Variants in TONSL observed in about 807,000 individuals in gnomAD.
TONSL encodes tonsoku like, DNA repair protein.
Under a neutral mutation model 147.1 loss-of-function variants are expected in TONSL, and 112 were observed. The ratio of observed to expected loss-of-function variants is 0.76; its 90% CI spans 0.65 to 0.89. TONSL has a LOEUF of 0.89. Ranked by LOEUF, TONSL falls within the 40% of genes least tolerant of loss-of-function variation. The pLI is 0.00. For synonymous variants in TONSL, 868 were observed against 801.5 expected, an observed-to-expected ratio of 1.08 and a Z score of -1.40; for missense variants, 1,883 against 1,864.6, an observed-to-expected ratio of 1.01 and a Z score of -0.18.
At position 144,429,260 on chromosome 8, in the gene TONSL, G is replaced by A. The variant is rs1554878065; in HGVS notation, c.4020C>T (p.Cys1340=). 9 of 1,523,490 alleles carry A rather than the reference G, an allele frequency of 5.9e-6. No individual in the cohort carries two copies. The South Asian group carries it at 7.2e-5, about 12-fold the overall frequency. 94.4% of individuals were successfully genotyped at this position (1,523,490 alleles called of 1,614,324 possible). ...IAAQLRELQL[C]SRRLCAEDRD... ...TGTCCTCAGCGCAGAGGCGTCTGCT[G>A]CACAGCTGCAGTTCCCGGAGCTGCG... Residue 1340 remains cysteine, a synonymous_variant, in exon 26 of 26, where the codon TGC becomes TGT. Transcript: ENST00000409379.
At chr8:144,441,424 C>A (rs1013017919) in intron 7 of TONSL, 1 of 274,068 alleles carries the variant, frequency 3.6e-6, no homozygotes, top group African/African-American at 2.2e-5. Flanking sequence ...AACCTCGTCT[C>A]TACTAAAAAT....
intron 21 of TONSL, 96 bp from the exon 22 acceptor site, chr8:144,433,855 G>A (rs896152286): frequency 6.8e-7 from 1 of 1,472,212 alleles, no homozygotes. Flanking sequence ...CACCTTGCCT[G>A]GCATAGCCTA....
rs866611082 is a variant in TONSL, at chr8:144,435,974, G to A, written c.2459C>T (p.Pro820Leu). 8 of 1,555,346 alleles carry A rather than the reference G, an allele frequency of 5.1e-6. No homozygotes were observed. The highest frequency in any genetic ancestry group is 2.3e-5 in the East Asian group (1 of 43,804). The change falls in exon 17 of 26, where the codon CCC becomes CTC. Residue 820 changes from proline (P) to leucine (L), a missense_variant. By Grantham distance (98) the Pro-to-Leu change is moderately conservative (BLOSUM62 -3). Transcript: ENST00000409379. Reference sequence around the variant, plus strand: ...CTCCTCCGGGATGAGCGCTGCCTGGGGGGCAAGGGCTTTGCTGTGGCCCCG... The same window carrying A: ...CTCCTCCGGGATGAGCGCTGCCTGGAGGGCAAGGGCTTTGCTGTGGCCCCG... ...PPRGHSKALA[P>L]QAALIPEEEC...
intron 5 of TONSL, 113 bp downstream of exon 5, chr8:144,442,564 A>AT: frequency 2.0e-6 from 3 of 1,502,740 alleles, no homozygotes; most frequent in Non-Finnish European, 2.7e-6. Flanking sequence ...AGGTGGGGGG[A>AT]TGAGGCCCAG....
Position 144,436,172 on chromosome 8 carries a change from C to A in TONSL, c.2261G>T (p.Arg754Leu), listed in dbSNP as rs753231160. 1.3e-6 allele frequency: 2 copies of A among 1,574,634 alleles called. No homozygotes were observed. Among genetic ancestry groups the A allele is most frequent in the Non-Finnish European group, 1.7e-6 (2 of 1,166,012 alleles). ...GCACCGAGGCCTCTTCTGGGACGGC[C>A]GTGCGGGGCCTGCGCTGTCCTCGCC... ...SEGEDSAGPA[R>L]PSQKRPRCSA... Residue 754 changes from arginine to leucine, a missense_variant, in exon 17 of 26, where the codon CGG becomes CTG. By Grantham distance (102) the Arg-to-Leu change is moderately radical. Coordinates refer to ENST00000409379, the MANE Select transcript of TONSL (RefSeq NM_013432.5).
intron 13 of TONSL, 26 bp downstream of exon 13, chr8:144,438,445 G>A (rs754822431): frequency 3.1e-6 from 5 of 1,607,982 alleles, no homozygotes; most frequent in Non-Finnish European, 4.2e-6. Context: ...TAGGCAGCCT[G>A]TCCCACGTCC....
Position 144,431,117 on chromosome 8 carries a change from G to C in TONSL, c.3770C>G (p.Ala1257Gly), listed in dbSNP as rs1260534255. 1 of 1,614,174 alleles carries C rather than the reference G, an allele frequency of 6.2e-7. No individual in the cohort carries two copies. Among genetic ancestry groups the C allele is most frequent in the Middle Eastern group, 1.7e-4 (1 of 6,058 alleles). ...GCALAHLTLSANHLGDKAVRD... is the reference protein window; with the variant it reads ...GCALAHLTLSGNHLGDKAVRD... ...AACAGCCTTGTCCCCCAGGTGGTTT[G>C]CAGACAGGGTCAGGTGGGCTAGAGC... is the stretch of plus-strand genomic sequence containing the variant. Residue 1257 changes from alanine to glycine, a missense_variant, in exon 24 of 26, where the codon GCA (alanine) becomes GGA (glycine). Ala to Gly is a moderately conservative substitution (Grantham distance 60). Coordinates refer to ENST00000409379, the MANE Select transcript of TONSL (RefSeq NM_013432.5).
chr8:144,429,840 T>C (rs1554878252), intron 25 of TONSL, among the ~76,000 whole-genome samples: 1 of 152,122 alleles, frequency 6.6e-6, no homozygotes, highest in African/African-American at 2.4e-5. Flanking sequence ...AGAGCCCCGC[T>C]TCGTGCACAT....
In TONSL at chr8:144,438,725, G is replaced by C. The variant is rs780691280; in HGVS notation, c.1491C>G (p.Thr497=). The change falls in exon 12 of 26, where the codon ACC becomes ACG. Residue 497 remains threonine, a synonymous_variant. Transcript: ENST00000409379. ...CCTCCAGCTGCGGGGTCAGGCCATC[G>C]GTGTCGTCCTCTGGAACAGAGCCAA... The part of the protein sequence containing the change: ...EVELSEGEDD[T]DGLTPQLEED... The C allele has an allele frequency of 3.7e-6, 6 of 1,612,946 alleles. No homozygotes were observed. In the African/African-American group the frequency reaches 8.0e-5, roughly 22 times the overall value.
rs148612989 is a variant in TONSL at position 144,433,694 on chromosome 8, G to A, written c.3453C>T (p.Ser1151=). The change falls in exon 22 of 26, where the codon TCC becomes TCT. Residue 1151 remains serine (S), a synonymous_variant. Transcript: ENST00000409379. ...TGAGTAAGGGGCAGGCGTGCAGGAGGGAGGCCAGGGACTGGCCACAGCCGT... is the reference window on the plus strand; with the variant it reads ...TGAGTAAGGGGCAGGCGTGCAGGAGAGAGGCCAGGGACTGGCCACAGCCGT... ...LGDGCGQSLA[S]LLHACPLLST... 3.8e-4 allele frequency: 612 copies of A among 1,611,930 alleles called. 2 individuals carry two copies. The African/African-American group carries it at 7.1e-3, about 19-fold the overall frequency.
chr8:144,437,612 GT>G (rs1328878549), intron 13 of TONSL: 6 of 153,932 alleles, frequency 3.9e-5, no homozygotes, highest in Admixed American at 6.3e-5. Context: ...ATTTTTTTGT[GT>G]TTTTTTTTGA....
At chr8:144,434,454 G>A (rs1554879434) in intron 20 of TONSL, among the ~76,000 whole-genome samples, 175 bp from the exon 21 acceptor site, 1 of 152,062 alleles carries the variant, frequency 6.6e-6, no homozygotes, top group African/African-American at 2.4e-5. Context: ...TGGGGGCCGG[G>A]GTGGGTCTGC....
At chr8:144,439,838 C>A in intron 11 of TONSL, 183 bp downstream of exon 11, 1 of 555,982 alleles carries the variant, frequency 1.8e-6, no homozygotes. Flanking sequence ...GAGGCCAAGG[C>A]CGCCCCAGGC....
chr8:144,433,396 G>A lies in TONSL; in HGVS notation c.3559+192C>T, dbSNP rs900360074. ...CGGCCTAGACGCTTTTTTCTTAAGG[G>A]ATGGGGTCTCACTATGTGGGCCAGG... On this transcript the variant is annotated intron_variant, in intron 22 of 25. Coordinates refer to ENST00000409379, the MANE Select transcript of TONSL (RefSeq NM_013432.5). 9 of 604,754 alleles carry A rather than the reference G, an allele frequency of 1.5e-5. No homozygotes were observed. In the African/African-American group the frequency reaches 1.7e-4, roughly 11 times the overall value. The allele number at this position is 604,754 out of a possible 1,614,324, so 37.5% of individuals were successfully genotyped here.
intron 11 of TONSL, 95 bp from the exon 12 acceptor site, chr8:144,438,830 A>G (rs947770530): frequency 1.9e-5 from 25 of 1,323,062 alleles, no homozygotes; most frequent in Non-Finnish European, 2.3e-5. Context: ...CCCAGGTACA[A>G]AGGAGCCAGA....
rs759495368 is a variant in TONSL at position 144,442,302 on chromosome 8, T to G, written c.689A>C (p.Glu230Ala). ...CCGCTTCCTCATGGTGTGCGCACAC[T>G]CCCGGGCACCCTCCAAGCAGCGCAT... ...QAMRCLEGARECAHTMRKRFM... is the reference protein window; with the variant it reads ...QAMRCLEGARACAHTMRKRFM... The change falls in exon 6 of 26, where the codon GAG (glutamate) becomes GCG (alanine). Residue 230 changes from glutamate to alanine, a missense_variant. Physicochemically the swap from Glu to Ala is moderately radical, Grantham distance 107 (BLOSUM62 -1). Transcript: ENST00000409379. The G allele has an allele frequency of 3.8e-6, 6 of 1,598,048 alleles. 1 individual carries two copies. In the South Asian group the frequency reaches 5.5e-5, roughly 15 times the overall value.
At chr8:144,443,116 A>C (rs1441884308) in intron 4 of TONSL, 22 bp downstream of exon 4, 1 of 1,542,314 alleles carries the variant, frequency 6.5e-7, no homozygotes, top group African/African-American at 1.4e-5. Flanking sequence ...AGGAGGCAGA[A>C]AACGCGGAGG....
chr8:144,430,144 A>G (rs1554878313), intron 25 of TONSL, among the ~76,000 whole-genome samples: 1 of 152,154 alleles, frequency 6.6e-6, no homozygotes, highest in Non-Finnish European at 1.5e-5. Context: ...GGTCTTGCCT[A>G]CCATAGTCTG....
chr8:144,442,456 A>G (rs752159718), intron 5 of TONSL, 44 bp from the exon 6 acceptor site: 56 of 1,511,386 alleles, frequency 3.7e-5, no homozygotes, highest in Non-Finnish European at 4.6e-5. Flanking sequence ...AGTGTCCATG[A>G]CAGCTGCTGA....
Sources: allele counts gnomAD v4.1 joint callset (sites outside exome capture counted in the v4.1 genomes callset), GRCh38; gene constraint gnomAD v4.1.1; transcripts MANE v1.5; gene names NCBI Gene and HGNC (gene_info 2026-07-23, HGNC 2026-07-21).